The following ADGRB3 variants were observed in gnomAD, a reference collection of about 807,000 sequenced individuals.
The protein encoded by ADGRB3 is adhesion G protein-coupled receptor B3, also known as brain-specific angiogenesis inhibitor 3.
ADGRB3 carries 37 observed loss-of-function variants against 193.4 expected under a neutral mutation model. The ratio of observed to expected loss-of-function variants is 0.19; its 90% CI spans 0.15 to 0.25. ADGRB3 has a LOEUF of 0.25. ADGRB3 is among the 10% of genes least tolerant of loss of function. The pLI is 1.00. For synonymous variants in ADGRB3, 690 were observed against 644.2 expected, an observed-to-expected ratio of 1.07 and a Z score of -1.08; for missense variants, 1,637 against 1,852.9, an observed-to-expected ratio of 0.88 and a Z score of 2.14.
intron 17 of ADGRB3, among the ~76,000 whole-genome samples, chr6:69,219,461 G>GTGTATATATATATATATATATATATATA (rs1491200940): frequency 1.0e-5 from 1 of 98,952 alleles, no homozygotes; most frequent in Non-Finnish European, 2.2e-5. Context: ...ACACACACAC[G>GTGTATATATATATATATATATATATATA]TATATATATA....
intron 17 of ADGRB3, among the ~76,000 whole-genome samples, chr6:69,150,071 C>A (rs1561934934): frequency 6.6e-6 from 1 of 151,928 alleles, no homozygotes; most frequent in Admixed American, 6.6e-5. Flanking sequence ...AAAACAACAG[C>A]ACTGTCTTGC....
intron 20 of ADGRB3, among the ~76,000 whole-genome samples, chr6:69,251,122 A>C (rs1342554262): frequency 1.3e-5 from 2 of 152,228 alleles, no homozygotes; most frequent in East Asian, 3.9e-4. Flanking sequence ...TAGCAAGACC[A>C]GTTTCAAAAG....
chr6:69,070,271 G>A (rs967087452), intron 16 of ADGRB3, among the ~76,000 whole-genome samples: 4 of 152,038 alleles, frequency 2.6e-5, no homozygotes, highest in African/African-American at 7.2e-5. Context: ...TAACCACCAA[G>A]CATTCAAAAA....
In ADGRB3 at chr6:68,639,347, G is replaced by C; in HGVS notation, c.672G>C (p.Glu224Asp). Residue 224 changes from glutamate (E) to aspartate (D), a missense_variant, in exon 3 of 32, where the codon GAG (glutamate) becomes GAC (aspartate). Physicochemically the swap from Glu to Asp is conservative, Grantham distance 45. Around this residue, in one of 7 missense-constraint regions of ADGRB3, gnomAD observed 365 missense variants for 409.8 expected, o/e 0.89. Transcript: ENST00000370598. ...LLNNVVLPLN[E>D]QTEGCLTQEL... ...ATAACGTGGTGTTACCCCTGAATGA[G>C]CAGACAGAGGGCTGCCTGACCCAGG... 1 of 1,614,062 alleles carries C rather than the reference G, an allele frequency of 6.2e-7. No individual in the cohort carries two copies. The highest frequency in any genetic ancestry group is 8.5e-7 in the Non-Finnish European group (1 of 1,180,036).
chr6:68,881,523 C>G (rs147100534), intron 3 of ADGRB3, among the ~76,000 whole-genome samples: 9 of 152,234 alleles, frequency 5.9e-5, no homozygotes, highest in African/African-American at 2.2e-4. Flanking sequence ...AAGACACATT[C>G]TTTCTCTTCT....
At chr6:69,349,669 G>A (rs1414340967) in intron 26 of ADGRB3, among the ~76,000 whole-genome samples, 1 of 152,096 alleles carries the variant, frequency 6.6e-6, no homozygotes, top group Non-Finnish European at 1.5e-5. Flanking sequence ...TGGTAGAAAT[G>A]AGATTCAAAA....
At position 69,301,393 on chromosome 6, in the gene ADGRB3, G is replaced by C. The variant is rs1300154359; in HGVS notation, c.2815-23479G>C. On this transcript the variant is annotated intron_variant, in intron 20 of 31. Transcript: ENST00000370598. ...AATAATTGCATAGCCACCTCCTGTT[G>C]CTGTTGCAGTGAGCTCAAGTGGTAC... 2.0e-5 allele frequency among the ~76,000 whole-genome samples: 3 copies of C among 151,830 alleles called. No individual in the cohort carries two copies. The East Asian group carries it at 5.8e-4, about 29-fold the overall frequency.
intron 8 of ADGRB3, among the ~76,000 whole-genome samples, chr6:68,966,301 T>A (rs1768379150): frequency 6.6e-6 from 1 of 152,128 alleles, no homozygotes; most frequent in African/African-American, 2.4e-5. Flanking sequence ...TCAGCTCTCT[T>A]TCTTTCAACC....
chr6:69,226,180 C>T (rs1766011097), intron 17 of ADGRB3, among the ~76,000 whole-genome samples: 1 of 152,170 alleles, frequency 6.6e-6, no homozygotes, highest in Admixed American at 6.5e-5. Context: ...AGTGACACTA[C>T]ACCTGTGAGA....
chr6:68,902,527 A>T (rs1054254387), intron 3 of ADGRB3, among the ~76,000 whole-genome samples: 1 of 152,074 alleles, frequency 6.6e-6, no homozygotes, highest in African/African-American at 2.4e-5. Flanking sequence ...AATATAGAAT[A>T]AGAGGATTTA....
chr6:68,929,226 A>G (rs1040013654), intron 3 of ADGRB3, among the ~76,000 whole-genome samples: 1 of 152,212 alleles, frequency 6.6e-6, no homozygotes, highest in Non-Finnish European at 1.5e-5. Flanking sequence ...AATATATTAC[A>G]TAGAAGCTAT....
intron 30 of ADGRB3, among the ~76,000 whole-genome samples, chr6:69,375,455 A>G (rs1769796054): frequency 6.6e-6 from 1 of 152,054 alleles, no homozygotes; most frequent in African/African-American, 2.4e-5. Flanking sequence ...CATAGGGTGA[A>G]AGGGTGAGGG....
At chr6:69,335,859 A>AT (rs1398583972) in intron 24 of ADGRB3, among the ~76,000 whole-genome samples, 1 of 151,900 alleles carries the variant, frequency 6.6e-6, no homozygotes, top group African/African-American at 2.4e-5. Flanking sequence ...TCCTTCTCCC[A>AT]TTTTTTCTGT....
intron 5 of ADGRB3, among the ~76,000 whole-genome samples, chr6:68,943,292 C>CA (rs780939091): frequency 1.1e-4 from 17 of 152,068 alleles, no homozygotes; most frequent in South Asian, 4.1e-4. Flanking sequence ...TTTTAAATGG[C>CA]AAAAAATCTA....
intron 3 of ADGRB3, among the ~76,000 whole-genome samples, chr6:68,709,219 T>A (rs1765371945): frequency 6.6e-6 from 1 of 152,220 alleles, no homozygotes; most frequent in African/African-American, 2.4e-5. Flanking sequence ...TGCTGCTATT[T>A]CAGCTATTTA....
intron 17 of ADGRB3, among the ~76,000 whole-genome samples, chr6:69,124,886 AT>A (rs60143202): frequency 1.0e-4 from 15 of 149,482 alleles, no homozygotes; most frequent in African/African-American, 3.4e-4. Flanking sequence ...CAGTTTTGCC[AT>A]TTTTTTTTTC....
intron 28 of ADGRB3, among the ~76,000 whole-genome samples, chr6:69,358,070 T>C (rs1012179948): frequency 5.3e-5 from 8 of 151,950 alleles, no homozygotes; most frequent in African/African-American, 1.7e-4. Context: ...GTGTTGTTTT[T>C]TTCAGCCTCA....
intron 26 of ADGRB3, among the ~76,000 whole-genome samples, chr6:69,343,194 T>TA (rs1769016542): frequency 6.6e-6 from 1 of 151,762 alleles, no homozygotes; most frequent in Non-Finnish European, 1.5e-5. Context: ...TCTTTTTTTT[T>TA]TTATTATACT....
At chr6:68,724,970 TCC>T (rs1765648111) in intron 3 of ADGRB3, among the ~76,000 whole-genome samples, 1 of 151,698 alleles carries the variant, frequency 6.6e-6, no homozygotes, top group Non-Finnish European at 1.5e-5. Context: ...TCTGTTTTTT[TCC>T]GCAAATATAT....
Sources: gnomAD v4.1 joint callset for allele counts (sites outside exome capture counted in the v4.1 genomes callset) on GRCh38, gnomAD v4.1.1 for gene constraint, gnomAD v4.1.1 regional missense constraint, MANE v1.5 for transcripts, NCBI Gene and HGNC (gene_info 2026-07-23, HGNC 2026-07-21) for gene names.